The following INPP4B variants were observed in gnomAD, a reference collection of about 807,000 sequenced individuals.
INPP4B encodes the protein inositol polyphosphate-4-phosphatase type II B, also known as inositol polyphosphate 4-phosphatase type II.
INPP4B carries 55 observed loss-of-function variants against 122.5 expected under a neutral mutation model. The observed-to-expected ratio is 0.45, with a 90% CI of 0.36 to 0.56. INPP4B has a LOEUF of 0.56. INPP4B is among the 20% of genes least tolerant of loss of function. The probability of loss-of-function intolerance (pLI) is 0.00; values close to 1 mark genes in which losing one functional copy is unlikely to be tolerated. For synonymous variants in INPP4B, 403 were observed against 388.7 expected (o/e 1.04, Z -0.43); for missense variants, 1,000 against 1,097.7 (o/e 0.91, Z 1.26).
rs1437023764 is a variant in INPP4B, at chr4:142,825,129, T to C, written c.-254+21080A>G. ...TTGACATATTTTAAAGGGCAGGCTA[T>C]TTGCATTTTGTGAACACAATAGGCT... On this transcript the variant is annotated intron_variant, in intron 1 of 25. Transcript: ENST00000262992. Among the ~76,000 whole-genome samples, 6 of 152,234 alleles carry C rather than the reference T, an allele frequency of 3.9e-5. No individual in the cohort carries two copies. The East Asian group carries it at 7.7e-4, about 20-fold the overall frequency.
At chr4:142,204,891 T>C (rs1456010699) in intron 14 of INPP4B, among the ~76,000 whole-genome samples, 1 of 152,088 alleles carries the variant, frequency 6.6e-6, no homozygotes, top group Admixed American at 6.6e-5. Flanking sequence ...AAAAATAAGT[T>C]TGGCTATTTT....
In INPP4B at chr4:142,361,418, G is replaced by A. The variant is rs372595774; in HGVS notation, c.372+41520C>T. Among the ~76,000 whole-genome samples, 5 of 151,864 alleles carry A rather than the reference G, an allele frequency of 3.3e-5. No individual in the cohort carries two copies. The East Asian group carries it at 9.7e-4, about 29-fold the overall frequency. ...CACTGCTATTTCCCTACTTTATGTC[G>A]ATTCGCCACTTCTTCCTTACTTGTA... On this transcript the variant is annotated intron_variant, in intron 7 of 25. Transcript: ENST00000262992.
At chr4:142,167,813 T>C (rs1428312789) in intron 16 of INPP4B, among the ~76,000 whole-genome samples, 1 of 151,676 alleles carries the variant, frequency 6.6e-6, no homozygotes, top group Non-Finnish European at 1.5e-5. Flanking sequence ...CATTGCCTAT[T>C]CTTTTGTGTA....
intron 9 of INPP4B, among the ~76,000 whole-genome samples, chr4:142,301,511 A>G (rs915021963): frequency 2.0e-5 from 3 of 152,174 alleles, no homozygotes; most frequent in Non-Finnish European, 4.4e-5. Context: ...GCAGCTGTAG[A>G]ATTTTAGACA....
At chr4:142,264,346 G>A (rs1474486698) in intron 10 of INPP4B, among the ~76,000 whole-genome samples, 2 of 152,134 alleles carry the variant, frequency 1.3e-5, no homozygotes, top group African/African-American at 4.8e-5. Flanking sequence ...TACTAACTGT[G>A]AGTTTATGAG....
chr4:142,603,552 G>GA (rs1257245475), intron 2 of INPP4B, among the ~76,000 whole-genome samples: 1 of 151,414 alleles, frequency 6.6e-6, no homozygotes, highest in Non-Finnish European at 1.5e-5. Context: ...CCACAGAAAT[G>GA]AAAAAAAGAT....
chr4:142,388,631 T>G (rs1420201099), intron 7 of INPP4B, among the ~76,000 whole-genome samples: 3 of 152,178 alleles, frequency 2.0e-5, no homozygotes, highest in Non-Finnish European at 2.9e-5. Flanking sequence ...TTATCTGATG[T>G]TTTTGACTTG....
chr4:142,300,691 T>A (rs903390281), intron 9 of INPP4B, among the ~76,000 whole-genome samples: 1 of 152,100 alleles, frequency 6.6e-6, no homozygotes, highest in African/African-American at 2.4e-5. Context: ...ATAGGAGAAA[T>A]TTAAAAAACA....
intron 8 of INPP4B, chr4:142,305,832 T>C (rs1763148938): frequency 8.8e-7 from 1 of 1,138,924 alleles, no homozygotes; most frequent in South Asian, 2.2e-5. Context: ...TCTCTGCATA[T>C]GAAAACTGAA....
chr4:142,070,449 C>G (rs1385384926), intron 25 of INPP4B, among the ~76,000 whole-genome samples: 2 of 152,124 alleles, frequency 1.3e-5, no homozygotes, highest in Non-Finnish European at 2.9e-5. Flanking sequence ...CCCTCTTTCA[C>G]CATTCCTCTT....
intron 7 of INPP4B, among the ~76,000 whole-genome samples, chr4:142,331,968 A>G (rs888450841): frequency 6.6e-6 from 1 of 152,184 alleles, no homozygotes. Context: ...TGACCCATAA[A>G]TAGGCTCATA....
At chr4:142,723,386 T>C (rs974299545) in intron 2 of INPP4B, among the ~76,000 whole-genome samples, 1 of 152,148 alleles carries the variant, frequency 6.6e-6, no homozygotes, top group Non-Finnish European at 1.5e-5. Flanking sequence ...TCACGGTCTG[T>C]ATTTTTACAT....
At chr4:142,376,907 T>C (rs1792098333) in intron 7 of INPP4B, among the ~76,000 whole-genome samples, 2 of 152,096 alleles carry the variant, frequency 1.3e-5, no homozygotes, top group African/African-American at 4.8e-5. Context: ...TTATTTGTAA[T>C]TAATGAAGTT....
chr4:142,363,460 T>G (rs1786255258), intron 7 of INPP4B, among the ~76,000 whole-genome samples: 1 of 151,988 alleles, frequency 6.6e-6, no homozygotes, highest in East Asian at 1.9e-4. Flanking sequence ...CTCAGATACA[T>G]TCCTTAATGT....
At chr4:142,517,495 T>C (rs1825556012) in intron 2 of INPP4B, among the ~76,000 whole-genome samples, 1 of 152,124 alleles carries the variant, frequency 6.6e-6, no homozygotes, top group South Asian at 2.1e-4. Context: ...ATCCAGGAAA[T>C]GTAATCCTAT....
intron 7 of INPP4B, among the ~76,000 whole-genome samples, chr4:142,330,553 G>T (rs572237261): frequency 1.3e-5 from 2 of 151,904 alleles, no homozygotes; most frequent in Admixed American, 6.6e-5. Flanking sequence ...ACATACACGC[G>T]CACGCACACA....
At chr4:142,217,374 T>C (rs901945443) in intron 12 of INPP4B, among the ~76,000 whole-genome samples, 1 of 152,130 alleles carries the variant, frequency 6.6e-6, no homozygotes, top group Admixed American at 6.6e-5. Flanking sequence ...GGGAAGTATC[T>C]GAGATGGGCT....
chr4:142,088,349 CA>C (rs1777827595), intron 23 of INPP4B, among the ~76,000 whole-genome samples: 1 of 151,944 alleles, frequency 6.6e-6, no homozygotes, highest in African/African-American at 2.4e-5. Flanking sequence ...AAATGGCAAC[CA>C]AAACAAACCC....
chr4:142,660,682 T>C (rs1755009682), intron 2 of INPP4B: 1 of 152,148 alleles, frequency 6.6e-6, no homozygotes, highest in African/African-American at 2.4e-5. Flanking sequence ...CCATGCAAAC[T>C]GGTAAAGGGC....
Sources: allele counts gnomAD v4.1 joint callset (sites outside exome capture counted in the v4.1 genomes callset), GRCh38; gene constraint gnomAD v4.1.1; transcripts MANE v1.5; gene names NCBI Gene and HGNC (gene_info 2026-07-23, HGNC 2026-07-21).